Variants in CHUK observed in about 807,000 individuals in gnomAD.
The protein encoded by CHUK is inhibitor of nuclear factor kappa-B kinase subunit alpha.
CHUK carries 35 observed loss-of-function variants against 104.8 expected under a neutral mutation model. The ratio of observed to expected loss-of-function variants is 0.33; its 90% CI spans 0.26 to 0.44. The LOEUF is 0.44. CHUK is among the 20% of genes least tolerant of loss of function. CHUK has a pLI of 1.00. For missense variants in CHUK, 663 were observed against 902.7 expected (o/e 0.73, Z 3.40); for synonymous variants, 276 against 291.9 (o/e 0.95, Z 0.56).
chr10:100,209,744 G>T lies in CHUK; in HGVS notation c.979C>A (p.Leu327Met). 6.5e-7 allele frequency: 1 copy of T among 1,545,714 alleles called. No homozygotes were observed. Among genetic ancestry groups the T allele is most frequent in the Non-Finnish European group, 8.9e-7 (1 of 1,118,058 alleles). The change falls in exon 10 of 21, where the codon CTG (leucine) becomes ATG (methionine). Residue 327 changes from leucine (L) to methionine (M), a missense_variant. Coordinates refer to ENST00000370397, the MANE Select transcript of CHUK (RefSeq NM_001278.5). ...NMTSAKIISF[L>M]LPPDESLHSL... ...TGAAGACTTTCATCAGGTGGTAACA[G>T]AAAAGAAATTATCTTTGCAGAAGTC...
rs750475375 is a variant in CHUK at position 100,190,834 on chromosome 10, G to C, written c.2208+35C>G. 3.3e-6 allele frequency: 4 copies of C among 1,229,400 alleles called. No individual in the cohort carries two copies. In the African/African-American group the frequency reaches 5.9e-5, roughly 18 times the overall value. The allele number at this position is 1,229,400 out of a possible 1,614,324, so 76.2% of individuals were successfully genotyped here. On this transcript the variant is annotated intron_variant, in intron 20 of 20. Coordinates refer to ENST00000370397, the MANE Select transcript of CHUK (RefSeq NM_001278.5). ...AGTTAAACCTTTTGCACCCAACATA[G>C]CCAAAGCAGGCACCCATATCCACAC...
In CHUK at chr10:100,199,209, G is replaced by C. The variant is rs568982631; in HGVS notation, c.1729+762C>G. ...CAACAAAACAAGTCATCAGTGACCAGTGCAGATGAAGGCATTATTTTCAAA... is the reference window on the plus strand; with the variant it reads ...CAACAAAACAAGTCATCAGTGACCACTGCAGATGAAGGCATTATTTTCAAA... On this transcript the variant is annotated intron_variant, in intron 16 of 20. Coordinates refer to ENST00000370397, the MANE Select transcript of CHUK (RefSeq NM_001278.5). 3.3e-5 allele frequency among the ~76,000 whole-genome samples: 5 copies of C among 152,344 alleles called. No individual in the cohort carries two copies. The South Asian group carries it at 1.0e-3, about 32-fold the overall frequency.
At chr10:100,215,633 G>A (rs7922218) in intron 9 of CHUK, among the ~76,000 whole-genome samples, 7,439 of 152,238 alleles carry the variant, frequency 0.049, 606 homozygotes, top group African/African-American at 0.17. Flanking sequence ...ATAATAAACA[G>A]TTGGAAAATA....
chr10:100,209,842 A>T, intron 9 of CHUK, 53 bp from the exon 10 acceptor site: 2 of 811,136 alleles, frequency 2.5e-6, no homozygotes, highest in South Asian at 3.0e-5. Flanking sequence ...TACATAAAAG[A>T]TTCGCTGCCA....
At chr10:100,207,039 T>A (rs1845604720) in intron 11 of CHUK, among the ~76,000 whole-genome samples, 191 bp downstream of exon 11, 1 of 152,178 alleles carries the variant, frequency 6.6e-6, no homozygotes, top group South Asian at 2.1e-4. Flanking sequence ...CTCATGGAGA[T>A]TTAATATCTA....
chr10:100,198,453 A>G (rs1182148138), intron 16 of CHUK, among the ~76,000 whole-genome samples: 1 of 152,210 alleles, frequency 6.6e-6, no homozygotes, highest in East Asian at 1.9e-4. Flanking sequence ...CATGGTGGTA[A>G]AAAATATAAC....
In CHUK at chr10:100,229,417, C is replaced by T. The variant is rs758627427; in HGVS notation, c.105+11G>A. ...CAACCCACCGCCGCTCCCTCTCACGCCCCGCCTCACCCGATGCTGGTACAG... is the reference window on the plus strand; with the variant it reads ...CAACCCACCGCCGCTCCCTCTCACGTCCCGCCTCACCCGATGCTGGTACAG... On this transcript the variant is annotated intron_variant, in intron 1 of 20. Transcript: ENST00000370397. 2.5e-6 allele frequency: 4 copies of T among 1,597,182 alleles called. No homozygotes were observed. Among genetic ancestry groups the T allele is most frequent in the Admixed American group, 3.3e-5 (2 of 59,738 alleles).
chr10:100,206,700 A>G (rs563741508), intron 11 of CHUK, among the ~76,000 whole-genome samples: 116 of 152,320 alleles, frequency 7.6e-4, no homozygotes, highest in African/African-American at 2.7e-3. Context: ...TCAAAAGAAA[A>G]CTAATAAAAA....
intron 9 of CHUK, among the ~76,000 whole-genome samples, chr10:100,211,782 T>C (rs1306323565): frequency 6.6e-6 from 1 of 152,232 alleles, no homozygotes; most frequent in Non-Finnish European, 1.5e-5. Context: ...TGAATAATGC[T>C]GCAATGAACA....
At position 100,218,047 on chromosome 10, in the gene CHUK, G is replaced by A. The variant is rs1023883537; in HGVS notation, c.881C>T (p.Thr294Ile). The A allele has an allele frequency of 6.2e-7, 1 of 1,613,916 alleles. No individual in the cohort carries two copies. Among genetic ancestry groups the A allele is most frequent in the African/African-American group, 1.3e-5 (1 of 74,924 alleles). Residue 294 changes from threonine (T) to isoleucine (I), a missense_variant, in exon 9 of 21, where the codon ACT (threonine) becomes ATT (isoleucine). This residue lies in a region of CHUK where 200 missense variants were observed against 333.0 expected (regional missense o/e 0.60). Transcript: ENST00000370397. Reference protein sequence around the residue: ...PQQRGGPVDLTLKQPRCFVLM... With the variant: ...PQQRGGPVDLILKQPRCFVLM... ...TACAAAACATCTTGGCTGCTTCAAA[G>A]TAAGGTCAACAGGTCCTCCTCTCTG... is the stretch of plus-strand genomic sequence containing the variant.
intron 17 of CHUK, 133 bp from the exon 18 acceptor site, chr10:100,194,264 A>C (rs549593916): frequency 8.9e-7 from 1 of 1,122,216 alleles, no homozygotes; most frequent in East Asian, 2.5e-5. Context: ...TAATGCATAC[A>C]AAAGGACACA....
Position 100,229,416 on chromosome 10 carries a change from GC to G in CHUK, c.105+11del. On this transcript the variant is annotated intron_variant, in intron 1 of 20. Coordinates refer to ENST00000370397, the MANE Select transcript of CHUK (RefSeq NM_001278.5). ...CCAACCCACCGCCGCTCCCTCTCAC[GC>G]CCCGCCTCACCCGATGCTGGTACAG... 1 of 1,591,034 alleles carries G rather than the reference GC, an allele frequency of 6.3e-7. No individual in the cohort carries two copies.
At position 100,200,776 on chromosome 10, in the gene CHUK, C is replaced by A; in HGVS notation, c.1574G>T (p.Gly525Val). The A allele has an allele frequency of 1.3e-6, 2 of 1,554,914 alleles. No homozygotes were observed. Among genetic ancestry groups the A allele is most frequent in the Non-Finnish European group, 1.8e-6 (2 of 1,126,764 alleles). ...EEKAIHYAEV[G>V]VIGYLEDQIM... ...CTGATCCTCCAGGTATCCAATGACACCAACCTAAAATATGATGAAAATACA... is the reference window on the plus strand; with the variant it reads ...CTGATCCTCCAGGTATCCAATGACAACAACCTAAAATATGATGAAAATACA... The change falls in exon 15 of 21, where the codon GGT becomes GTT. Residue 525 changes from glycine to valine, a missense_variant. Physicochemically the swap from Gly to Val is moderately radical, Grantham distance 109 (BLOSUM62 -3). Coordinates refer to ENST00000370397, the MANE Select transcript of CHUK (RefSeq NM_001278.5).
intron 13 of CHUK, among the ~76,000 whole-genome samples, chr10:100,203,850 T>C (rs907988515): frequency 1.6e-4 from 24 of 152,298 alleles, no homozygotes; most frequent in African/African-American, 5.1e-4. Context: ...ACTCCCCTGG[T>C]TGTCTTAGTC....
At chr10:100,221,010 T>A (rs1185488197) in intron 4 of CHUK, among the ~76,000 whole-genome samples, 1 of 152,160 alleles carries the variant, frequency 6.6e-6, no homozygotes, top group Non-Finnish European at 1.5e-5. Flanking sequence ...CTCATGACCT[T>A]GGAAAAGAGG....
At chr10:100,215,214 CAAAAAAA>C (rs913817319) in intron 9 of CHUK, among the ~76,000 whole-genome samples, 4 of 51,586 alleles carry the variant, frequency 7.8e-5, no homozygotes, top group Non-Finnish European at 1.9e-4. Context: ...GGCTCCATAT[CAAAAAAA>C]AAAAAAAAAA....
Position 100,222,934 on chromosome 10 carries a change from A to G in CHUK, c.247T>C (p.Leu83=), listed in dbSNP as rs1451169846. 6 of 1,609,454 alleles carry G rather than the reference A, an allele frequency of 3.7e-6. No homozygotes were observed. Among genetic ancestry groups the G allele is most frequent in the Non-Finnish European group, 4.3e-6 (5 of 1,176,002 alleles). ...GGCACATCATGAATCAAAATATTCAATTCTTCAGGAACATCACAGGCCTTT... is the reference window on the plus strand; with the variant it reads ...GGCACATCATGAATCAAAATATTCAGTTCTTCAGGAACATCACAGGCCTTT... The part of the protein sequence containing the change: ...VVKACDVPEE[L]NILIHDVPLL... Residue 83 remains leucine (L), a synonymous_variant, in exon 3 of 21, where the codon TTG becomes CTG. Coordinates refer to ENST00000370397, the MANE Select transcript of CHUK (RefSeq NM_001278.5).
At chr10:100,222,044 TC>T in intron 4 of CHUK, 67 bp downstream of exon 4, 1 of 810,072 alleles carries the variant, frequency 1.2e-6, no homozygotes. Flanking sequence ...TCTCCTGAAT[TC>T]CCAAAAAGAT....
chr10:100,191,881 G>C (rs1386880734), intron 19 of CHUK, among the ~76,000 whole-genome samples: 1 of 152,208 alleles, frequency 6.6e-6, no homozygotes, highest in Admixed American at 6.5e-5. Flanking sequence ...CACTTTTGGA[G>C]GCCGAGGCAG....
Sources: gnomAD v4.1 joint callset for allele counts (sites outside exome capture counted in the v4.1 genomes callset) on GRCh38, gnomAD v4.1.1 for gene constraint, gnomAD v4.1.1 regional missense constraint, MANE v1.5 for transcripts, NCBI Gene and HGNC (gene_info 2026-07-23, HGNC 2026-07-21) for gene names.